Variants in NAV2 observed in about 807,000 individuals in gnomAD.
The protein encoded by NAV2 is helicase, APC down-regulated 1.
Under a neutral mutation model 223.2 loss-of-function variants are expected in NAV2, and 54 were observed. The observed-to-expected ratio is 0.24, with a 90% CI of 0.19 to 0.30. The LOEUF (loss-of-function observed/expected upper bound fraction) is 0.30, where lower values mean the gene tolerates loss of function less well. NAV2 is among the 10% of genes least tolerant of loss of function. NAV2 has a pLI of 1.00. For missense variants in NAV2, 2,806 were observed against 3,147.5 expected (o/e 0.89, Z 2.60); for synonymous variants, 1,279 against 1,239.3 (o/e 1.03, Z -0.67).
At chr11:19,827,980 G>C (rs2059730450) in intron 1 of NAV2, among the ~76,000 whole-genome samples, 1 of 151,206 alleles carries the variant, frequency 6.6e-6, no homozygotes, top group Non-Finnish European at 1.5e-5. Flanking sequence ...GGGGAGGGTG[G>C]GGAGGGAATC....
chr11:19,779,208 C>T (rs2056542958), intron 1 of NAV2, among the ~76,000 whole-genome samples: 1 of 152,110 alleles, frequency 6.6e-6, no homozygotes, highest in Admixed American at 6.5e-5. Context: ...TTATGGTCCA[C>T]CAAAATACCC....
intron 1 of NAV2, among the ~76,000 whole-genome samples, chr11:19,468,320 A>G (rs1227179018): frequency 6.6e-6 from 1 of 152,236 alleles, no homozygotes; most frequent in East Asian, 1.9e-4. Context: ...ACAGAAATTT[A>G]TGGTCTCACA....
chr11:19,549,527 G>A (rs918994118), intron 1 of NAV2, among the ~76,000 whole-genome samples: 12 of 152,216 alleles, frequency 7.9e-5, no homozygotes, highest in African/African-American at 2.9e-4. Context: ...GACTACAGAG[G>A]AAGGAGGGCA....
intron 1 of NAV2, among the ~76,000 whole-genome samples, chr11:19,611,274 T>C (rs929062931): frequency 2.0e-5 from 3 of 151,300 alleles, no homozygotes; most frequent in East Asian, 3.9e-4. Flanking sequence ...GGGAGATACA[T>C]TTCAAGTTGA....
chr11:19,771,307 G>A (rs2055699785), intron 1 of NAV2, among the ~76,000 whole-genome samples: 1 of 152,176 alleles, frequency 6.6e-6, no homozygotes, highest in African/African-American at 2.4e-5. Flanking sequence ...GGCCGTAGAG[G>A]AGATAGAAAC....
chr11:20,103,773 G>A, intron 34 of NAV2, 49 bp downstream of exon 34: 1 of 1,548,594 alleles, frequency 6.5e-7, no homozygotes, highest in Middle Eastern at 1.7e-4. Flanking sequence ...TCACAAAGAA[G>A]AAAAGCAAGA....
At chr11:19,830,388 A>G (rs1241941314) in intron 1 of NAV2, among the ~76,000 whole-genome samples, 1 of 152,332 alleles carries the variant, frequency 6.6e-6, no homozygotes, top group Non-Finnish European at 1.5e-5. Context: ...AAGGGATTGT[A>G]AAATAGGTTA....
chr11:20,118,186 C>G lies in NAV2; in HGVS notation c.7218C>G (p.Ser2406Arg), dbSNP rs767994307. 3 of 1,613,922 alleles carry G rather than the reference C, an allele frequency of 1.9e-6. No homozygotes were observed. Among genetic ancestry groups the G allele is most frequent in the African/African-American group, 2.7e-5 (2 of 74,908 alleles). ...QEAANYSSPQ[S>R]YDSDSNSNSH... ...CAGCCAACTACTCCAGCCCCCAGAGCTATGACAGCGACTCCAACAGCAACA... is the reference window on the plus strand; with the variant it reads ...CAGCCAACTACTCCAGCCCCCAGAGGTATGACAGCGACTCCAACAGCAACA... Residue 2406 changes from serine to arginine, a missense_variant, in exon 38 of 38, where the codon AGC becomes AGG. Ser to Arg is a moderately radical substitution (Grantham distance 110). Transcript: ENST00000349880.
intron 1 of NAV2, among the ~76,000 whole-genome samples, chr11:19,679,729 G>A (rs146407837): frequency 9.2e-5 from 14 of 152,256 alleles, no homozygotes; most frequent in African/African-American, 1.7e-4. Context: ...CCTTTTTGGC[G>A]GTTCTTGTTG....
At chr11:19,380,006 A>G (rs990903412) in intron 1 of NAV2, among the ~76,000 whole-genome samples, 24 of 151,950 alleles carry the variant, frequency 1.6e-4, no homozygotes, top group African/African-American at 5.6e-4. Context: ...AATATAATTT[A>G]TTATAGTTGC....
intron 35 of NAV2, 82 bp downstream of exon 35, chr11:20,105,809 G>C: frequency 9.0e-7 from 1 of 1,109,306 alleles, no homozygotes; most frequent in Non-Finnish European, 1.3e-6. Flanking sequence ...ACAGCACTTT[G>C]CAGGCACAGT....
intron 25 of NAV2, among the ~76,000 whole-genome samples, chr11:20,081,673 C>T (rs1565015487): frequency 6.6e-6 from 1 of 152,020 alleles, no homozygotes; most frequent in Non-Finnish European, 1.5e-5. Context: ...CTAGATTTGC[C>T]CACAAGCTGG....
chr11:19,992,839 C>G (rs1199951334), intron 11 of NAV2, among the ~76,000 whole-genome samples: 2 of 152,124 alleles, frequency 1.3e-5, no homozygotes, highest in East Asian at 3.9e-4. Flanking sequence ...GGTGATCCAC[C>G]TACTCAGCCT....
At chr11:19,741,118 C>T (rs532246146) in intron 1 of NAV2, among the ~76,000 whole-genome samples, 12 of 152,330 alleles carry the variant, frequency 7.9e-5, no homozygotes, top group African/African-American at 2.9e-4. Context: ...TGGCCTTAGC[C>T]TCCCCCTTAC....
intron 1 of NAV2, among the ~76,000 whole-genome samples, chr11:19,409,263 G>T (rs1289471780): frequency 1.5e-4 from 23 of 152,188 alleles, no homozygotes; most frequent in Non-Finnish European, 4.4e-5. Flanking sequence ...AGAAAGAAAA[G>T]AATGCTTTCC....
At chr11:19,750,110 C>T (rs368084158) in intron 1 of NAV2, among the ~76,000 whole-genome samples, 9 of 152,326 alleles carry the variant, frequency 5.9e-5, no homozygotes, top group African/African-American at 1.9e-4. Context: ...CGAACCTCTT[C>T]GCTCTCCCTT....
intron 31 of NAV2, among the ~76,000 whole-genome samples, chr11:20,097,976 A>G (rs2061390452): frequency 6.6e-6 from 1 of 152,212 alleles, no homozygotes; most frequent in South Asian, 2.1e-4. Context: ...AAAAGATCCC[A>G]TTAGCCTTAT....
chr11:20,008,337 G>A (rs1377021074), intron 11 of NAV2, among the ~76,000 whole-genome samples: 1 of 151,998 alleles, frequency 6.6e-6, no homozygotes, highest in African/African-American at 2.4e-5. Context: ...CAGCCTAGGT[G>A]AAAAAGTGAG....
intron 1 of NAV2, among the ~76,000 whole-genome samples, chr11:19,538,970 C>T (rs146948831): frequency 2.9e-4 from 44 of 151,760 alleles, no homozygotes; most frequent in African/African-American, 1.1e-3. Context: ...ACAATATTTC[C>T]AATACTTAGA....
Sources: gnomAD v4.1 joint callset for allele counts (sites outside exome capture counted in the v4.1 genomes callset) on GRCh38, gnomAD v4.1.1 for gene constraint, MANE v1.5 for transcripts, NCBI Gene and HGNC (gene_info 2026-07-23, HGNC 2026-07-21) for gene names.